Variants in DEAF1 observed in about 807,000 individuals in gnomAD.
The protein encoded by DEAF1 is deformed epidermal autoregulatory factor 1 homolog.
DEAF1 carries 53 observed loss-of-function variants against 58.9 expected under a neutral mutation model. That is an observed-to-expected ratio of 0.90 (90% CI 0.72 to 1.13). The LOEUF (loss-of-function observed/expected upper bound fraction) is 1.13. DEAF1 is among the 50% of genes most tolerant of loss of function. The probability of loss-of-function intolerance (pLI) is 0.00; values close to 1 mark genes in which losing one functional copy is unlikely to be tolerated. For synonymous variants in DEAF1, 385 were observed against 340.4 expected (o/e 1.13, Z -1.44); for missense variants, 685 against 791.4 (o/e 0.87, Z 1.61).
intron 10 of DEAF1, among the ~76,000 whole-genome samples, chr11:671,213 C>T (rs1859811314): frequency 6.6e-6 from 1 of 151,188 alleles, no homozygotes; most frequent in Non-Finnish European, 1.5e-5. Flanking sequence ...CAGGCGTGAG[C>T]CACCGCGCCT....
At chr11:685,081 T>TA in intron 5 of DEAF1, 118 bp from the exon 6 acceptor site, 31 of 708,180 alleles carry the variant, frequency 4.4e-5, no homozygotes, top group Middle Eastern at 3.3e-4. Flanking sequence ...ATATAAAAAT[T>TA]CTTTTTTTTT....
chr11:661,172 G>A (rs956046123), intron 10 of DEAF1, among the ~76,000 whole-genome samples: 1 of 152,222 alleles, frequency 6.6e-6, no homozygotes, highest in Non-Finnish European at 1.5e-5. Flanking sequence ...TGGGGTTTGC[G>A]CTCAGGGCAG....
In DEAF1 at chr11:644,403, G is replaced by C. The variant is rs1171790022; in HGVS notation, c.*147C>G. On this transcript the variant is annotated 3_prime_UTR_variant, in exon 12 of 12. Transcript: ENST00000382409. The surrounding 1 kb of genome is among the most constrained non-coding windows in gnomAD (Gnocchi z 4.3). ...CTTCCCAGGGCACCATTCGCTTAAA[G>C]TGTGTTAATGACTTGTCCAGCAAGT... The C allele has an allele frequency of 8.5e-6, 6 of 706,430 alleles. No homozygotes were observed. Among genetic ancestry groups the C allele is most frequent in the Non-Finnish European group, 1.5e-5 (6 of 395,598 alleles). The allele number at this position is 706,430 out of a possible 1,614,324, so 43.8% of individuals were successfully genotyped here.
At chr11:701,370 GTTTT>G (rs1405595018) in intron 1 of DEAF1, among the ~76,000 whole-genome samples, 16 of 104,806 alleles carry the variant, frequency 1.5e-4, no homozygotes, top group Non-Finnish European at 3.1e-4. Context: ...GTTTTGTTTT[GTTTT>G]GTTTTTTTTT....
chr11:690,809 T>A (rs1339696540), intron 2 of DEAF1, among the ~76,000 whole-genome samples: 1 of 152,182 alleles, frequency 6.6e-6, no homozygotes, highest in East Asian at 1.9e-4. Context: ...CCCAGGTATG[T>A]GACCAAGGCT....
At chr11:690,756 CA>C (rs1332707304) in intron 2 of DEAF1, among the ~76,000 whole-genome samples, 2 of 152,144 alleles carry the variant, frequency 1.3e-5, no homozygotes, top group African/African-American at 4.8e-5. Context: ...AAAAACAAAA[CA>C]AACAAATAAC....
upstream of DEAF1, chr11:700,192 C>T (rs757190421): frequency 1.2e-5 from 19 of 1,614,032 alleles, no homozygotes; most frequent in South Asian, 1.1e-4. Context: ...GAACGTACTA[C>T]GCCCTGTATT....
At position 702,588 on chromosome 11, in the gene DEAF1, A is replaced by G. The variant is rs1299465367; in HGVS notation, c.-438+3984T>C. On this transcript the variant is annotated intron_variant, in intron 1 of 11. Transcript: ENST00000683307. ...AGAAAAATACTTTGGGAATTTTTCAAAAAAATCCCTTCAGTTCCACTTGGA... is the reference window on the plus strand; with the variant it reads ...AGAAAAATACTTTGGGAATTTTTCAGAAAAATCCCTTCAGTTCCACTTGGA... Among the ~76,000 whole-genome samples, 6 of 152,394 alleles carry G rather than the reference A, an allele frequency of 3.9e-5. No homozygotes were observed. In the South Asian group the frequency reaches 6.2e-4, roughly 16 times the overall value.
upstream of DEAF1, chr11:698,724 A>G (rs538320330): frequency 5.4e-6 from 5 of 924,248 alleles, 1 homozygote; most frequent in African/African-American, 3.2e-5. Context: ...ATCTAGTGGC[A>G]GGCCCACGGT....
chr11:671,529 A>G (rs1229496127), intron 10 of DEAF1, among the ~76,000 whole-genome samples: 2 of 151,776 alleles, frequency 1.3e-5, no homozygotes, highest in East Asian at 1.9e-4. Context: ...GTGAAAAAGT[A>G]TTTTAAAATT....
chr11:656,651 C>T (rs957295726), intron 10 of DEAF1, among the ~76,000 whole-genome samples: 2 of 152,304 alleles, frequency 1.3e-5, no homozygotes, highest in African/African-American at 2.4e-5. Context: ...TCCCGGGGAG[C>T]GGCCCCCACG....
At chr11:693,209 T>C (rs1159153908) in intron 1 of DEAF1, among the ~76,000 whole-genome samples, 2 of 152,234 alleles carry the variant, frequency 1.3e-5, no homozygotes, top group East Asian at 3.8e-4. Flanking sequence ...TCATTTTTCT[T>C]TTATGCATTC....
chr11:690,356 CAGGGGAGGGG>C (rs200394805), intron 2 of DEAF1, among the ~76,000 whole-genome samples: 8 of 4,504 alleles, frequency 1.8e-3, no homozygotes, highest in African/African-American at 8.8e-3. Flanking sequence ...GAGGGGAGGG[CAGGGGAGGGG>C]AGGGCAGGGG....
intron 10 of DEAF1, among the ~76,000 whole-genome samples, chr11:656,366 G>T (rs934517469): frequency 3.9e-5 from 6 of 151,994 alleles, no homozygotes; most frequent in African/African-American, 1.5e-4. Context: ...CTGTTGGCCA[G>T]GCTGGTCTCG....
intron 1 of DEAF1, among the ~76,000 whole-genome samples, chr11:701,896 A>G (rs1164705867): frequency 6.6e-6 from 1 of 152,194 alleles, no homozygotes; most frequent in Non-Finnish European, 1.5e-5. Flanking sequence ...CGCCCTCCCC[A>G]GAGCTCACCT....
Position 645,301 on chromosome 11 carries a change from G to A in DEAF1, c.1594-647C>T, listed in dbSNP as rs1393945320. Among the ~76,000 whole-genome samples, 7 of 152,032 alleles carry A rather than the reference G, an allele frequency of 4.6e-5. No homozygotes were observed. The East Asian group carries it at 1.2e-3, about 25-fold the overall frequency. On this transcript the variant is annotated intron_variant, in intron 11 of 11. Coordinates refer to ENST00000382409, the MANE Select transcript of DEAF1 (RefSeq NM_021008.4). The stretch of plus-strand genomic sequence containing the variant: ...TGTAAATATTACATATGTAAATTAC[G>A]ATCAAGTTCTGTGGGGGTTTTTTTG...
Position 644,547 on chromosome 11 carries a change from G to C in DEAF1, c.*3C>G. On this transcript the variant is annotated 3_prime_UTR_variant, in exon 12 of 12. Coordinates refer to ENST00000382409, the MANE Select transcript of DEAF1 (RefSeq NM_021008.4). The surrounding 1 kb of genome is among the most constrained non-coding windows in gnomAD (Gnocchi z 4.3). Reference sequence around the variant, plus strand: ...CCCAGCTCCCAGGGCGGCCGATGGAGCCTCACACGGTCACCTTCTCCATCA... The same window carrying C: ...CCCAGCTCCCAGGGCGGCCGATGGACCCTCACACGGTCACCTTCTCCATCA... 1.2e-6 allele frequency: 2 copies of C among 1,611,830 alleles called. No individual in the cohort carries two copies. Among genetic ancestry groups the C allele is most frequent in the Non-Finnish European group, 1.7e-6 (2 of 1,179,564 alleles).
At chr11:704,961 G>A in intron 1 of DEAF1, 1 of 329,792 alleles carries the variant, frequency 3.0e-6, no homozygotes, top group South Asian at 2.4e-5. Context: ...CTGGGTCAGG[G>A]CAAGCTCATG....
chr11:663,075 G>A (rs1859383938), intron 10 of DEAF1, among the ~76,000 whole-genome samples: 2 of 152,246 alleles, frequency 1.3e-5, no homozygotes, highest in Non-Finnish European at 2.9e-5. Flanking sequence ...CACTCTGGGA[G>A]GCTGACTGGG....
Sources: allele counts gnomAD v4.1 joint callset (sites outside exome capture counted in the v4.1 genomes callset), GRCh38; gene constraint gnomAD v4.1.1; non-coding constraint Gnocchi (gnomAD v3.1); transcripts MANE v1.5; gene names NCBI Gene and HGNC (gene_info 2026-07-23, HGNC 2026-07-21).